Variants in SORCS1 observed in about 807,000 individuals in gnomAD.
SORCS1 encodes the protein sortilin related VPS10 domain containing receptor 1.
SORCS1 carries 60 observed loss-of-function variants against 146.1 expected under a neutral mutation model. The observed-to-expected ratio is 0.41, with a 90% CI of 0.33 to 0.51. SORCS1 has a LOEUF of 0.51. Among genes scored for constraint, SORCS1 ranks in the 20% least tolerant of loss-of-function variants. The pLI, the probability that SORCS1 is intolerant of heterozygous loss-of-function variation, is 0.21. For missense variants in SORCS1, 1,352 were observed against 1,487.6 expected, an observed-to-expected ratio of 0.91 and a Z score of 1.50; for synonymous variants, 637 against 584.0, an observed-to-expected ratio of 1.09 and a Z score of -1.31.
At chr10:106,608,693 T>C (rs1444499926) in intron 22 of SORCS1, among the ~76,000 whole-genome samples, 1 of 152,226 alleles carries the variant, frequency 6.6e-6, no homozygotes, top group African/African-American at 2.4e-5. Context: ...TATCATATGC[T>C]GGGGTCCTCA....
intron 1 of SORCS1, among the ~76,000 whole-genome samples, chr10:107,037,935 T>A (rs1046053482): frequency 6.6e-6 from 1 of 152,256 alleles, no homozygotes; most frequent in Non-Finnish European, 1.5e-5. Context: ...CAAGCGATTC[T>A]TGTGCCTCAG....
At chr10:106,950,803 C>A (rs931380724) in intron 2 of SORCS1, among the ~76,000 whole-genome samples, 2 of 152,026 alleles carry the variant, frequency 1.3e-5, no homozygotes, top group Non-Finnish European at 2.9e-5. Context: ...GCTAATTGTG[C>A]GACCTTGGGC....
intron 1 of SORCS1, among the ~76,000 whole-genome samples, chr10:107,061,234 T>C (rs1961192832): frequency 6.6e-6 from 1 of 152,006 alleles, no homozygotes; most frequent in Admixed American, 6.6e-5. Flanking sequence ...AAAAGAAAAA[T>C]AACTTGTTCA....
At chr10:106,673,331 C>A (rs1851753964) in intron 14 of SORCS1, among the ~76,000 whole-genome samples, 1 of 152,062 alleles carries the variant, frequency 6.6e-6, no homozygotes, top group Admixed American at 6.5e-5. Context: ...TGGGGTTCCA[C>A]CATGTTGGCC....
chr10:106,648,919 T>C (rs557897516), intron 18 of SORCS1, among the ~76,000 whole-genome samples: 2 of 151,748 alleles, frequency 1.3e-5, no homozygotes, highest in South Asian at 4.2e-4. Flanking sequence ...CAGATGGACA[T>C]GGAGAGGAAT....
chr10:107,147,231 T>G (rs565661781), intron 1 of SORCS1, among the ~76,000 whole-genome samples: 1 of 152,194 alleles, frequency 6.6e-6, no homozygotes, highest in Admixed American at 6.5e-5. Context: ...CATAATGCAA[T>G]ATGTCCTCGT....
At chr10:106,812,960 T>G (rs540291934) in intron 3 of SORCS1, among the ~76,000 whole-genome samples, 3 of 141,918 alleles carry the variant, frequency 2.1e-5, no homozygotes, top group South Asian at 4.6e-4. Flanking sequence ...TGCAATAATG[T>G]AGTGACCATT....
chr10:107,112,218 G>T (rs574685886), intron 1 of SORCS1, among the ~76,000 whole-genome samples: 1 of 152,016 alleles, frequency 6.6e-6, no homozygotes, highest in Non-Finnish European at 1.5e-5. Flanking sequence ...ATAAAAAGAT[G>T]AAAATGTGCT....
In SORCS1 at chr10:106,597,401, T is replaced by C. The variant is rs1258024159; in HGVS notation, c.3215A>G (p.Glu1072Gly). The stretch of plus-strand genomic sequence containing the variant: ...AAGGACTCGGACTCCTGGCTTCAGC[T>C]CGAAGTGTACTGAGTTTTGGTTGAG... ...HTLNQNSVHF[E>G]LKPGVRVLVH... The change falls in exon 24 of 26, where the codon GAG becomes GGG. Residue 1072 changes from glutamate (E) to glycine (G), a missense_variant. Physicochemically the swap from Glu to Gly is moderately conservative, Grantham distance 98 (BLOSUM62 -2). Transcript: ENST00000263054. 1 of 1,614,002 alleles carries C rather than the reference T, an allele frequency of 6.2e-7. No individual in the cohort carries two copies. Among genetic ancestry groups the C allele is most frequent in the African/African-American group, 1.3e-5 (1 of 75,036 alleles).
At chr10:106,579,288 T>C (rs758994126) in intron 25 of SORCS1, 81 bp downstream of exon 25, 7 of 1,614,032 alleles carry the variant, frequency 4.3e-6, no homozygotes, top group Non-Finnish European at 5.9e-6. Context: ...GCTATGCACA[T>C]CACTGTAACA....
chr10:107,158,563 A>C lies in SORCS1; in HGVS notation c.558+5406T>G, dbSNP rs540100450. On this transcript the variant is annotated intron_variant, in intron 1 of 25. Transcript: ENST00000263054. ...ATGCCCAACTCTCCCCTGACTTCCT[A>C]CAGCATGTTCTGTCCTCAGAGAACG... Among the ~76,000 whole-genome samples, 4 of 152,268 alleles carry C rather than the reference A, an allele frequency of 2.6e-5. No homozygotes were observed. In the South Asian group the frequency reaches 8.3e-4, roughly 32 times the overall value.
intron 1 of SORCS1, among the ~76,000 whole-genome samples, chr10:107,052,198 G>A (rs1172365451): frequency 6.6e-6 from 1 of 152,088 alleles, no homozygotes; most frequent in African/African-American, 2.4e-5. Context: ...CCCTGTGGAG[G>A]CCTGCTGGCT....
At chr10:106,581,672 C>T (rs991220259) in intron 24 of SORCS1, among the ~76,000 whole-genome samples, 2 of 152,078 alleles carry the variant, frequency 1.3e-5, no homozygotes, top group Non-Finnish European at 2.9e-5. Context: ...AACCAACAGC[C>T]AGTCTTATTT....
At chr10:106,737,076 T>G (rs2136072227) in intron 5 of SORCS1, among the ~76,000 whole-genome samples, 1 of 152,228 alleles carries the variant, frequency 6.6e-6, no homozygotes, top group African/African-American at 2.4e-5. Context: ...TGTGTATGTG[T>G]AGGTGTCAGG....
chr10:106,709,361 A>G lies in SORCS1; in HGVS notation c.1025-20T>C, dbSNP rs1314128687. On this transcript the variant is annotated intron_variant, in intron 6 of 25. Transcript: ENST00000263054. ...GTGAATCTGAAAAACAAAAACAAAAACAAAAACATGGGGTTGAGGGGGATA... is the reference window on the plus strand; with the variant it reads ...GTGAATCTGAAAAACAAAAACAAAAGCAAAAACATGGGGTTGAGGGGGATA... 6.5e-7 allele frequency: 1 copy of G among 1,534,912 alleles called. No homozygotes were observed. Among genetic ancestry groups the G allele is most frequent in the Non-Finnish European group, 9.0e-7 (1 of 1,109,424 alleles).
At chr10:106,589,756 ATTACCATATCTTGCCACTTGCCAC>A (rs1845489958) in intron 24 of SORCS1, among the ~76,000 whole-genome samples, 1 of 151,978 alleles carries the variant, frequency 6.6e-6, no homozygotes, top group Non-Finnish European at 1.5e-5. Context: ...GACTAAACAA[ATTACCATATCTTGCCACTTGCCAC>A]TTGAGTTGTA....
At chr10:106,730,397 T>C (rs11598070) in intron 5 of SORCS1, among the ~76,000 whole-genome samples, 66,254 of 152,106 alleles carry the variant, frequency 0.44, 14,506 homozygotes, top group African/African-American at 0.46. Flanking sequence ...GCATGTTGGG[T>C]GTGTACTCTT....
chr10:107,019,625 C>T (rs1958045869), intron 1 of SORCS1, among the ~76,000 whole-genome samples: 1 of 152,192 alleles, frequency 6.6e-6, no homozygotes, highest in Non-Finnish European at 1.5e-5. Context: ...TAGCAGGCAA[C>T]CCATTTAATG....
intron 1 of SORCS1, among the ~76,000 whole-genome samples, chr10:107,090,447 C>T (rs746422821): frequency 2.0e-5 from 3 of 152,128 alleles, no homozygotes; most frequent in East Asian, 1.9e-4. Flanking sequence ...GGTTGGGTCA[C>T]GGCTTCACGA....
Sources: gnomAD v4.1 joint callset for allele counts (sites outside exome capture counted in the v4.1 genomes callset) on GRCh38, gnomAD v4.1.1 for gene constraint, MANE v1.5 for transcripts, NCBI Gene and HGNC (gene_info 2026-07-23, HGNC 2026-07-21) for gene names.